RTN3: variants seen among roughly 807,000 people sequenced by gnomAD.
The protein encoded by RTN3 is reticulon 3, also known as reticulon-3.
RTN3 carries 49 observed loss-of-function variants against 77.8 expected under a neutral mutation model. The ratio of observed to expected loss-of-function variants is 0.63; its 90% CI spans 0.50 to 0.80. RTN3 has a LOEUF of 0.80. Among genes scored for constraint, RTN3 ranks in the 30% least tolerant of loss-of-function variants. The pLI is 0.00. For missense variants in RTN3, 1,236 were observed against 1,211.9 expected (o/e 1.02, Z -0.29); for synonymous variants, 464 against 446.9 (o/e 1.04, Z -0.48).
rs141606922 is a variant in RTN3, at chr11:63,725,698, C to T, written c.2530+4666C>T. Among the ~76,000 whole-genome samples the T allele has an allele frequency of 8.1e-3, 1,226 of 152,216 alleles. 16 individuals carry two copies. Among genetic ancestry groups the T allele is most frequent in the African/African-American group, 0.027 (1,129 of 41,522 alleles). The stretch of plus-strand genomic sequence containing the variant: ...CAATCTCCTGGCCTCGTGATCCGCC[C>T]GCCTCGGCCTCCCAAAGTGCTGGAA... On this transcript the variant is annotated intron_variant, in intron 3 of 8. Transcript: ENST00000377819.
intron 5 of RTN3, among the ~76,000 whole-genome samples, 179 bp from the exon 6 acceptor site, chr11:63,752,890 A>G (rs1206662245): frequency 6.6e-6 from 1 of 152,214 alleles, no homozygotes; most frequent in Non-Finnish European, 1.5e-5. Context: ...AGAAAACTAC[A>G]GACTTCACTC....
At chr11:63,733,487 TAA>T (rs1427303563) in intron 3 of RTN3, among the ~76,000 whole-genome samples, 1 of 138,618 alleles carries the variant, frequency 7.2e-6, no homozygotes, top group African/African-American at 2.7e-5. Flanking sequence ...TGTCTCAGAA[TAA>T]AAAAAAAAAA....
chr11:63,728,785 G>A (rs1382454311), intron 3 of RTN3, among the ~76,000 whole-genome samples: 2 of 151,858 alleles, frequency 1.3e-5, no homozygotes, highest in East Asian at 3.9e-4. Context: ...TACCCAGGAG[G>A]CTGAGGCAAG....
intron 1 of RTN3, among the ~76,000 whole-genome samples, chr11:63,703,930 G>A (rs1382304223): frequency 6.6e-6 from 1 of 152,118 alleles, no homozygotes; most frequent in African/African-American, 2.4e-5. Flanking sequence ...CAGGGGGACT[G>A]GGAGGAGAAT....
At chr11:63,700,612 T>G (rs7949389) in intron 1 of RTN3, among the ~76,000 whole-genome samples, 1 of 151,120 alleles carries the variant, frequency 6.6e-6, no homozygotes, top group Non-Finnish European at 1.5e-5. Flanking sequence ...CTTTTTATTT[T>G]TTTTTTTTTG....
chr11:63,726,430 G>A (rs2012267189), intron 3 of RTN3, among the ~76,000 whole-genome samples: 1 of 152,234 alleles, frequency 6.6e-6, no homozygotes, highest in Non-Finnish European at 1.5e-5. Context: ...AATGTAAGGG[G>A]AGGAGGAATC....
chr11:63,746,538 G>A (rs909007355), intron 3 of RTN3, among the ~76,000 whole-genome samples: 16 of 150,374 alleles, frequency 1.1e-4, no homozygotes, highest in African/African-American at 3.2e-4. Context: ...TTTTTGAGAC[G>A]GAGTCTCGCT....
chr11:63,702,772 G>A (rs1289332386), intron 1 of RTN3, among the ~76,000 whole-genome samples: 4 of 151,042 alleles, frequency 2.6e-5, no homozygotes, highest in Non-Finnish European at 4.4e-5. Context: ...TGCAAACTCC[G>A]CCTCCTGGGT....
intron 1 of RTN3, among the ~76,000 whole-genome samples, chr11:63,682,511 C>T (rs1388947440): frequency 2.0e-5 from 3 of 151,650 alleles, no homozygotes; most frequent in Non-Finnish European, 2.9e-5. Context: ...CCTGGCGCTG[C>T]GTGGGGGTGG....
Position 63,758,299 on chromosome 11 carries a change from G to A in RTN3, c.*98G>A. The A allele has an allele frequency of 6.2e-7, 1 of 1,613,460 alleles. No homozygotes were observed. The highest frequency in any genetic ancestry group is 8.5e-7 in the Non-Finnish European group (1 of 1,179,842). ...GAAGGAAAATACTCAGTGTCAGCTT[G>A]AGCCTGCATTCCAAGCTTTTTTTTT... On this transcript the variant is annotated 3_prime_UTR_variant, in exon 9 of 9. Transcript: ENST00000377819.
intron 1 of RTN3, among the ~76,000 whole-genome samples, chr11:63,682,783 G>A (rs371159271): frequency 6.6e-6 from 1 of 152,084 alleles, no homozygotes; most frequent in African/African-American, 2.4e-5. Flanking sequence ...GCTGGTAAGA[G>A]CTGCCTGGCA....
At chr11:63,736,301 GA>G (rs1368374459) in intron 3 of RTN3, among the ~76,000 whole-genome samples, 2 of 152,124 alleles carry the variant, frequency 1.3e-5, no homozygotes, top group Non-Finnish European at 2.9e-5. Context: ...GCTATCAAGA[GA>G]ATCTTATACA....
At chr11:63,733,963 C>T (rs2012888790) in intron 3 of RTN3, among the ~76,000 whole-genome samples, 1 of 151,694 alleles carries the variant, frequency 6.6e-6, no homozygotes, top group South Asian at 2.1e-4. Flanking sequence ...TATATATATA[C>T]ACACACACAT....
chr11:63,756,005 G>T, intron 7 of RTN3, 107 bp from the exon 8 acceptor site: 1 of 779,100 alleles, frequency 1.3e-6, no homozygotes, highest in Non-Finnish European at 2.3e-6. Flanking sequence ...TTTCTACACT[G>T]GTCAGTCGTG....
At chr11:63,750,455 CTT>C (rs200090732) in intron 4 of RTN3, 3,414 of 291,050 alleles carry the variant, frequency 0.012, no homozygotes, top group South Asian at 0.019. Flanking sequence ...ACTCTAAATT[CTT>C]TTTTTTTTTT....
intron 3 of RTN3, among the ~76,000 whole-genome samples, chr11:63,737,596 T>A (rs1388249389): frequency 6.6e-6 from 1 of 152,140 alleles, no homozygotes; most frequent in Non-Finnish European, 1.5e-5. Context: ...CTCAACAGAA[T>A]GAGACTCTGT....
intron 3 of RTN3, among the ~76,000 whole-genome samples, chr11:63,727,782 A>G (rs1047967917): frequency 5.9e-5 from 9 of 152,166 alleles, no homozygotes; most frequent in African/African-American, 2.2e-4. Context: ...CGAGACCTGC[A>G]AAACCTATTT....
Position 63,720,435 on chromosome 11 carries a change from C to A in RTN3, c.1933C>A (p.His645Asn), listed in dbSNP as rs766219504. Residue 645 changes from histidine to asparagine, a missense_variant, in exon 3 of 9, where the codon CAT becomes AAT. His to Asn is a moderately conservative substitution (Grantham distance 68). Transcript: ENST00000377819. Reference sequence around the variant, plus strand: ...GTCATTACATGGGAAAAATGTTAAACATATAGATGATTCCTCCCCAGAGGA... The same window carrying A: ...GTCATTACATGGGAAAAATGTTAAAAATATAGATGATTCCTCCCCAGAGGA... ...LESLHGKNVK[H>N]IDDSSPEDLI... The A allele has an allele frequency of 3.0e-5, 49 of 1,613,424 alleles. No individual in the cohort carries two copies. Among genetic ancestry groups the A allele is most frequent in the Non-Finnish European group, 4.2e-5 (49 of 1,179,792 alleles).
chr11:63,688,688 T>C (rs1941501783), intron 1 of RTN3, among the ~76,000 whole-genome samples: 1 of 152,214 alleles, frequency 6.6e-6, no homozygotes, highest in Admixed American at 6.5e-5. Context: ...AGAACCTCAG[T>C]GTTTTTATTC....
Sources: allele counts gnomAD v4.1 joint callset (sites outside exome capture counted in the v4.1 genomes callset), GRCh38; gene constraint gnomAD v4.1.1; transcripts MANE v1.5; gene names NCBI Gene and HGNC (gene_info 2026-07-23, HGNC 2026-07-21).